Variants in KDM7A observed in about 807,000 individuals in gnomAD.
KDM7A encodes lysine-specific demethylase 7A.
A neutral mutation model predicts 114.8 loss-of-function variants in KDM7A; 28 were observed. The observed-to-expected ratio is 0.24, with a 90% CI of 0.18 to 0.33. The LOEUF is 0.33. Among genes scored for constraint, KDM7A ranks in the 10% least tolerant of loss-of-function variants. The pLI is 1.00. For missense variants in KDM7A, 942 were observed against 1,142.5 expected, an observed-to-expected ratio of 0.82 and a Z score of 2.53; for synonymous variants, 423 against 397.8, an observed-to-expected ratio of 1.06 and a Z score of -0.75.
rs149930900 is a variant in KDM7A, at chr7:140,117,345, C to G, written c.1246+1768G>C. 2.7e-3 allele frequency among the ~76,000 whole-genome samples: 407 copies of G among 152,160 alleles called. 4 individuals carry two copies. Among genetic ancestry groups the G allele is most frequent in the African/African-American group, 9.4e-3 (389 of 41,516 alleles). On this transcript the variant is annotated intron_variant, in intron 9 of 19. Coordinates refer to ENST00000397560, the MANE Select transcript of KDM7A (RefSeq NM_030647.2). The stretch of plus-strand genomic sequence containing the variant: ...TAAGCAAATTGCTCCTGTGGCTTCA[C>G]GAGCAATGGCAAGATTTTGTCTTTC...
chr7:140,114,687 G>A (rs1174806068), intron 9 of KDM7A, among the ~76,000 whole-genome samples: 6 of 150,682 alleles, frequency 4.0e-5, no homozygotes, highest in Non-Finnish European at 7.4e-5. Flanking sequence ...AGTGAGAAGC[G>A]CCTCTTCCCG....
At chr7:140,153,039 T>C (rs904261392) in intron 1 of KDM7A, among the ~76,000 whole-genome samples, 1 of 151,804 alleles carries the variant, frequency 6.6e-6, no homozygotes, top group African/African-American at 2.4e-5. Context: ...TTTGTATTTT[T>C]AGTAGAGACA....
intron 9 of KDM7A, 148 bp downstream of exon 9, chr7:140,118,965 G>C (rs965099592): frequency 5.7e-6 from 3 of 522,220 alleles, no homozygotes; most frequent in African/African-American, 5.6e-5. Context: ...AAAGGTTGCT[G>C]GATGGGGGAA....
chr7:140,169,570 C>T (rs551994174), intron 1 of KDM7A, among the ~76,000 whole-genome samples: 6 of 152,254 alleles, frequency 3.9e-5, no homozygotes, highest in African/African-American at 1.4e-4. Context: ...CTGTCGCCCA[C>T]CGTGGAGTGC....
rs760092668 is a variant in KDM7A at position 140,086,572 on chromosome 7, T to G, written c.*4522A>C. On this transcript the variant is annotated 3_prime_UTR_variant, in exon 20 of 20. Transcript: ENST00000397560. The stretch of plus-strand genomic sequence containing the variant: ...TCTAGGAAGGCTACAGTATTAAGAT[T>G]ACATTACGTTCAACAGCAACAGAAT... The G allele has an allele frequency of 7.2e-5, 11 of 152,174 alleles. No individual in the cohort carries two copies. The highest frequency in any genetic ancestry group is 1.5e-5 in the Non-Finnish European group (1 of 68,018). The allele number at this position is 152,174 out of a possible 1,614,324, so 9.4% of individuals were successfully genotyped here.
chr7:140,115,372 AAG>A (rs774137613), intron 9 of KDM7A, among the ~76,000 whole-genome samples: 5 of 152,272 alleles, frequency 3.3e-5, no homozygotes, highest in South Asian at 2.1e-4. Flanking sequence ...ATGTGGGGAA[AAG>A]AGAGAGAAAT....
chr7:140,176,796 C>T lies in KDM7A; in HGVS notation c.142G>A (p.Val48Met), dbSNP rs1459557860. The T allele has an allele frequency of 3.5e-6, 5 of 1,416,256 alleles. No individual in the cohort carries two copies. Among genetic ancestry groups the T allele is most frequent in the African/African-American group, 1.5e-5 (1 of 66,618 alleles). The allele number at this position is 1,416,256 out of a possible 1,614,324, so 87.7% of individuals were successfully genotyped here. A position where few individuals can be genotyped will look rare whatever the true frequency, so the allele number is the denominator to read the frequency against. Residue 48 changes from valine to methionine, a missense_variant, in exon 1 of 20, where the codon GTG becomes ATG. This residue lies in a region of KDM7A where 112 missense variants were observed against 96.2 expected (regional missense o/e 1.16). Transcript: ENST00000397560. This position sits in a 1 kb window ranked among gnomAD's most constrained non-coding sequence, Gnocchi z 4.4. Reference sequence around the variant, plus strand: ...TCGCACTCGATCATGAAGCGGTTCACGTCGTACGGCTGCCGGCACACACAG... The same window carrying T: ...TCGCACTCGATCATGAAGCGGTTCATGTCGTACGGCTGCCGGCACACACAG... ...VYCVCRQPYD[V>M]NRFMIECDIC...
chr7:140,128,572 CAGGTT>C (rs1279667787), intron 4 of KDM7A, among the ~76,000 whole-genome samples: 1 of 152,168 alleles, frequency 6.6e-6, no homozygotes, highest in Non-Finnish European at 1.5e-5. Flanking sequence ...CAAATAGGTT[CAGGTT>C]AATCCTTAGC....
At chr7:140,135,886 T>C (rs1014864903) in intron 2 of KDM7A, among the ~76,000 whole-genome samples, 15 of 146,440 alleles carry the variant, frequency 1.0e-4, no homozygotes, top group Middle Eastern at 3.4e-3. Context: ...GGGTTAACAA[T>C]GGGCATCAGT....
chr7:140,110,011 C>T (rs999523850), intron 11 of KDM7A, among the ~76,000 whole-genome samples: 1 of 152,156 alleles, frequency 6.6e-6, no homozygotes, highest in African/African-American at 2.4e-5. Flanking sequence ...CAGGTCATAA[C>T]AAATATGGAT....
At position 140,092,024 on chromosome 7, in the gene KDM7A, A is replaced by C. The variant is rs778784237; in HGVS notation, c.2511T>G (p.Ser837Arg). The C allele has an allele frequency of 2.5e-6, 4 of 1,614,078 alleles. No homozygotes were observed. The highest frequency in any genetic ancestry group is 3.4e-6 in the Non-Finnish European group (4 of 1,179,992). ...CIRKEGSSEI[S>R]QRVQSRNYVD... ...CATAATTCCTACTTTGTACCCTCTGACTAATTTCTGATGAACCTTCCTTTC... is the reference window on the plus strand; with the variant it reads ...CATAATTCCTACTTTGTACCCTCTGCCTAATTTCTGATGAACCTTCCTTTC... The change falls in exon 19 of 20, where the codon AGT (serine) becomes AGG (arginine). Residue 837 changes from serine to arginine, a missense_variant. Around this residue, in one of 4 missense-constraint regions of KDM7A, gnomAD observed 512 missense variants for 576.6 expected, o/e 0.89. Transcript: ENST00000397560.
At chr7:140,166,447 C>T (rs1794577560) in intron 1 of KDM7A, among the ~76,000 whole-genome samples, 1 of 151,000 alleles carries the variant, frequency 6.6e-6, no homozygotes, top group Non-Finnish European at 1.5e-5. Flanking sequence ...TCAAGCAATC[C>T]TCCCGCCTCA....
intron 14 of KDM7A, among the ~76,000 whole-genome samples, chr7:140,098,585 G>T (rs1193659114): frequency 6.6e-6 from 1 of 152,144 alleles, no homozygotes; most frequent in Non-Finnish European, 1.5e-5. Flanking sequence ...GGGGAGTAGA[G>T]GCCTATAACA....
At chr7:140,110,398 C>A (rs1030692937) in intron 11 of KDM7A, among the ~76,000 whole-genome samples, 2 of 152,080 alleles carry the variant, frequency 1.3e-5, no homozygotes, top group Admixed American at 6.5e-5. Context: ...CACATTCTAT[C>A]CATTGATATT....
At chr7:140,174,940 C>A (rs1794685250) in intron 1 of KDM7A, among the ~76,000 whole-genome samples, 1 of 151,440 alleles carries the variant, frequency 6.6e-6, no homozygotes, top group African/African-American at 2.4e-5. Context: ...CAGTTTAAAC[C>A]GCCTCAAATT....
Position 140,119,095 on chromosome 7 carries a change from A to C in KDM7A, c.1246+18T>G. ...AATATGCATCATATCATATACAAAC[A>C]TGCAAATTATTAATTACCTTTCAGG... On this transcript the variant is annotated intron_variant, in intron 9 of 19. Transcript: ENST00000397560. 6.9e-7 allele frequency: 1 copy of C among 1,447,026 alleles called. No individual in the cohort carries two copies. The highest frequency in any genetic ancestry group is 9.7e-7 in the Non-Finnish European group (1 of 1,032,890). 89.6% of individuals were successfully genotyped at this position (1,447,026 alleles called of 1,614,324 possible).
intron 2 of KDM7A, among the ~76,000 whole-genome samples, chr7:140,136,466 T>C (rs1027995481): frequency 6.6e-6 from 1 of 152,188 alleles, no homozygotes; most frequent in Non-Finnish European, 1.5e-5. Context: ...AGGAATATTT[T>C]AGTAATGGTT....
Position 140,129,506 on chromosome 7 carries a change from C to A in KDM7A, c.546G>T (p.Val182=). The part of the protein sequence containing the change: ...LPSPTFSVMD[V]ERYVGGDKVI... ...TAAAGTTCGTACCTACATAACGTTC[C>A]ACATCCATCACAGAAAATGTAGGTG... Residue 182 remains valine (V), a synonymous_variant, in exon 4 of 20, where the codon GTG becomes GTT. Coordinates refer to ENST00000397560, the MANE Select transcript of KDM7A (RefSeq NM_030647.2). 1.2e-6 allele frequency: 2 copies of A among 1,613,492 alleles called. No homozygotes were observed. The highest frequency in any genetic ancestry group is 1.7e-6 in the Non-Finnish European group (2 of 1,179,614).
chr7:140,101,903 T>C (rs757160080), intron 12 of KDM7A, 48 bp downstream of exon 12: 4 of 1,278,582 alleles, frequency 3.1e-6, no homozygotes, highest in Admixed American at 1.7e-5. Flanking sequence ...ATAAAGACTT[T>C]AAGGAACAGC....
Sources: allele counts gnomAD v4.1 joint callset (sites outside exome capture counted in the v4.1 genomes callset), GRCh38; gene constraint gnomAD v4.1.1; regional missense constraint gnomAD v4.1.1; non-coding constraint Gnocchi (gnomAD v3.1); transcripts MANE v1.5; gene names NCBI Gene and HGNC (gene_info 2026-07-23, HGNC 2026-07-21).